Variants in SORBS2 observed in about 807,000 individuals in gnomAD.
The protein encoded by SORBS2 is sorbin and SH3 domain-containing protein 2.
In SORBS2, 46 loss-of-function variants were observed where a neutral mutation model predicts 97.7. That is an observed-to-expected ratio of 0.47 (90% CI 0.37 to 0.60). The LOEUF is 0.60. Ranked by LOEUF, SORBS2 falls within the 20% of genes least tolerant of loss-of-function variation. The pLI, the probability that SORBS2 is intolerant of heterozygous loss-of-function variation, is 0.00. For synonymous variants in SORBS2, 476 were observed against 473.4 expected (o/e 1.01, Z -0.07); for missense variants, 1,316 against 1,282.3 (o/e 1.03, Z -0.40).
rs144264839 is a variant in SORBS2, at chr4:185,792,746, G to T, written c.-337-17380C>A. Among the ~76,000 whole-genome samples the T allele has an allele frequency of 2.0e-5, 3 of 152,044 alleles. 1 individual carries two copies. In the South Asian group the frequency reaches 6.2e-4, roughly 32 times the overall value. On this transcript the variant is annotated intron_variant, in intron 1 of 20. Transcript: ENST00000284776. ...ACTTATAAATAACGGTTTCCATAGA[G>T]CCCATGAGCAAAAAATACAGAGAGA...
chr4:185,891,039 G>T (rs181526717), intron 1 of SORBS2, among the ~76,000 whole-genome samples: 1 of 152,288 alleles, frequency 6.6e-6, no homozygotes, highest in Non-Finnish European at 1.5e-5. Context: ...AAGGCGTCAG[G>T]ACAGACTGCC....
chr4:185,609,023 G>T (rs1368215393), intron 12 of SORBS2, among the ~76,000 whole-genome samples: 2 of 150,818 alleles, frequency 1.3e-5, no homozygotes, highest in African/African-American at 2.4e-5. Context: ...TCATCTTATC[G>T]TGGGATGACA....
chr4:185,711,393 C>A (rs73873326), intron 2 of SORBS2, among the ~76,000 whole-genome samples: 5,466 of 152,170 alleles, frequency 0.036, 318 homozygotes, highest in African/African-American at 0.12. Flanking sequence ...CTTTTTCATA[C>A]AGATATTTAT....
At chr4:185,624,045 G>T (rs754042154) in exon 7 of SORBS2, 2 of 1,614,140 alleles carry the variant, frequency 1.2e-6, no homozygotes, top group Non-Finnish European at 1.7e-6. Context: ...CGGTTGATGC[G>T]GTGCATTTTC....
At chr4:185,756,088 G>T (rs1017691565) in intron 2 of SORBS2, among the ~76,000 whole-genome samples, 8 of 152,180 alleles carry the variant, frequency 5.3e-5, no homozygotes, top group African/African-American at 1.9e-4. Context: ...GATCTGGACT[G>T]GTGGTTGGCA....
intron 1 of SORBS2, among the ~76,000 whole-genome samples, chr4:185,885,171 A>G (rs1196142372): frequency 6.6e-6 from 1 of 152,220 alleles, no homozygotes; most frequent in African/African-American, 2.4e-5. Flanking sequence ...GTTAAGGCGT[A>G]AGCTAGAAGT....
At chr4:185,832,858 C>T (rs983263663) in intron 1 of SORBS2, among the ~76,000 whole-genome samples, 21 of 152,234 alleles carry the variant, frequency 1.4e-4, no homozygotes, top group Non-Finnish European at 1.3e-4. Context: ...GGTTGGAGAC[C>T]GTTTCTGAAC....
intron 1 of SORBS2, among the ~76,000 whole-genome samples, chr4:185,798,821 C>G (rs938513074): frequency 2.6e-5 from 4 of 152,126 alleles, no homozygotes; most frequent in African/African-American, 9.7e-5. Context: ...ATATAAAGTT[C>G]TACATGTCTA....
At chr4:185,780,774 T>G (rs2099024689) in intron 1 of SORBS2, among the ~76,000 whole-genome samples, 1 of 152,212 alleles carries the variant, frequency 6.6e-6, no homozygotes, top group Non-Finnish European at 1.5e-5. Context: ...TCATCACATG[T>G]GTCATTTTGC....
chr4:185,656,222 G>A (rs1023376576), intron 1 of SORBS2, among the ~76,000 whole-genome samples: 4 of 152,132 alleles, frequency 2.6e-5, no homozygotes, highest in Admixed American at 6.5e-5. Flanking sequence ...CACATTCAAC[G>A]TTTCCTCAAT....
chr4:185,914,955 AT>A (rs1046448794), intron 1 of SORBS2, among the ~76,000 whole-genome samples: 8 of 152,140 alleles, frequency 5.3e-5, no homozygotes, highest in African/African-American at 2.4e-5. Context: ...TGTCTAATGG[AT>A]TTTTTCCATC....
chr4:185,681,008 G>A (rs1045316169), intron 2 of SORBS2, among the ~76,000 whole-genome samples: 3 of 152,082 alleles, frequency 2.0e-5, no homozygotes, highest in African/African-American at 7.2e-5. Flanking sequence ...TAAGAGGGGT[G>A]GGCTGTTCTG....
chr4:185,908,294 T>TTTGTATACACACAA (rs1349056853), intron 1 of SORBS2, among the ~76,000 whole-genome samples: 1 of 75,692 alleles, frequency 1.3e-5, no homozygotes, highest in East Asian at 3.5e-4. Context: ...TATATATATA[T>TTTGTATACACACAA]ATATATATAT....
intron 2 of SORBS2, among the ~76,000 whole-genome samples, chr4:185,686,252 T>C (rs1446748374): frequency 6.6e-6 from 1 of 152,138 alleles, no homozygotes; most frequent in Non-Finnish European, 1.5e-5. Context: ...AGAATTTAGA[T>C]TGGTAAAGAT....
At chr4:185,747,536 A>G (rs2098770133) in intron 2 of SORBS2, among the ~76,000 whole-genome samples, 3 of 148,322 alleles carry the variant, frequency 2.0e-5, no homozygotes, top group South Asian at 4.4e-4. Context: ...AAGACAAGGC[A>G]CTTGGGCCCT....
chr4:185,810,499 A>G (rs1423530178), intron 1 of SORBS2, among the ~76,000 whole-genome samples: 1 of 152,210 alleles, frequency 6.6e-6, no homozygotes, highest in East Asian at 1.9e-4. Flanking sequence ...TCTTTTGTAG[A>G]TAGGGGTTTT....
At chr4:185,712,525 C>A (rs1203364560) in intron 2 of SORBS2, among the ~76,000 whole-genome samples, 2 of 152,254 alleles carry the variant, frequency 1.3e-5, no homozygotes. Flanking sequence ...CCTTTGCCCT[C>A]GCTGGCGGGG....
chr4:185,859,163 T>C (rs2099222296), intron 1 of SORBS2, among the ~76,000 whole-genome samples: 1 of 152,164 alleles, frequency 6.6e-6, no homozygotes, highest in South Asian at 2.1e-4. Flanking sequence ...TGCTGGGTCT[T>C]TAAAAACATA....
chr4:185,732,520 C>G (rs1160994459), intron 2 of SORBS2, among the ~76,000 whole-genome samples: 1 of 152,190 alleles, frequency 6.6e-6, no homozygotes, highest in African/African-American at 2.4e-5. Flanking sequence ...TCAGAAATAG[C>G]CTGGACCACA....
Sources: allele counts gnomAD v4.1 joint callset (sites outside exome capture counted in the v4.1 genomes callset), GRCh38; gene constraint gnomAD v4.1.1; transcripts MANE v1.5; gene names NCBI Gene and HGNC (gene_info 2026-07-23, HGNC 2026-07-21).